Variants in LTBP1 observed in about 807,000 individuals in gnomAD.
LTBP1 encodes latent-transforming growth factor beta-binding protein 1.
LTBP1 carries 129 observed loss-of-function variants against 207.6 expected under a neutral mutation model. That is an observed-to-expected ratio of 0.62 (90% CI 0.54 to 0.72). The LOEUF (loss-of-function observed/expected upper bound fraction) is 0.72, where lower values mean the gene tolerates loss of function less well. LTBP1 is among the 30% of genes least tolerant of loss of function. The probability of loss-of-function intolerance (pLI) is 0.00; values close to 1 mark genes in which losing one functional copy is unlikely to be tolerated. For synonymous variants in LTBP1, 963 were observed against 833.7 expected, an observed-to-expected ratio of 1.16 and a Z score of -2.67; for missense variants, 2,281 against 2,217.2, an observed-to-expected ratio of 1.03 and a Z score of -0.58.
At chr2:33,080,190 C>G (rs2078314383) in intron 3 of LTBP1, among the ~76,000 whole-genome samples, 3 of 152,066 alleles carry the variant, frequency 2.0e-5, no homozygotes, top group Admixed American at 1.3e-4. Context: ...CCATGCCTGG[C>G]TAATTTTTCT....
chr2:33,357,698 A>G (rs1487896083), intron 26 of LTBP1, among the ~76,000 whole-genome samples: 18 of 152,224 alleles, frequency 1.2e-4, no homozygotes. Context: ...TGATCTTTTT[A>G]TGCAAATGTG....
At chr2:33,350,133 T>C (rs1332715895) in intron 26 of LTBP1, among the ~76,000 whole-genome samples, 2 of 152,222 alleles carry the variant, frequency 1.3e-5, no homozygotes, top group Non-Finnish European at 2.9e-5. Flanking sequence ...AGGATTCAAA[T>C]TAATTTCATT....
chr2:32,996,393 C>T lies in LTBP1; in HGVS notation c.566-24516C>T, dbSNP rs1412729675. Among the ~76,000 whole-genome samples the T allele has an allele frequency of 5.9e-5, 9 of 152,264 alleles. No homozygotes were observed. In the East Asian group the frequency reaches 1.7e-3, roughly 29 times the overall value. On this transcript the variant is annotated intron_variant, in intron 2 of 33. Coordinates refer to ENST00000404816, the MANE Select transcript of LTBP1 (RefSeq NM_206943.4). ...ATGACCTAATCACCCTCCAAAGGCC[C>T]CACCTTCTAATATTGTCGTATTGGG... is the stretch of plus-strand genomic sequence containing the variant.
At chr2:33,216,625 C>A (rs1266078284) in intron 7 of LTBP1, among the ~76,000 whole-genome samples, 1 of 152,160 alleles carries the variant, frequency 6.6e-6, no homozygotes, top group Non-Finnish European at 1.5e-5. Flanking sequence ...CAGAGAAAGG[C>A]AGAATAACCC....
At chr2:33,381,645 G>A (rs1226137605) in intron 31 of LTBP1, among the ~76,000 whole-genome samples, 2 of 152,164 alleles carry the variant, frequency 1.3e-5, no homozygotes, top group Admixed American at 6.5e-5. Context: ...GCTGCCCCTG[G>A]TGGAGCTGAG....
chr2:33,210,775 G>T (rs1352406514), intron 7 of LTBP1, among the ~76,000 whole-genome samples: 2 of 152,168 alleles, frequency 1.3e-5, no homozygotes, highest in Non-Finnish European at 2.9e-5. Flanking sequence ...CTCCCAGCTG[G>T]TGGTTGGTGT....
intron 31 of LTBP1, among the ~76,000 whole-genome samples, chr2:33,376,693 C>T (rs1358289310): frequency 6.6e-6 from 1 of 152,322 alleles, no homozygotes; most frequent in Non-Finnish European, 1.5e-5. Flanking sequence ...TTTTATCCAA[C>T]TATACATGCC....
At chr2:33,133,402 G>T (rs1261835935) in intron 4 of LTBP1, among the ~76,000 whole-genome samples, 1 of 152,194 alleles carries the variant, frequency 6.6e-6, no homozygotes, top group Non-Finnish European at 1.5e-5. Context: ...GAAGGGCACT[G>T]CTTCTTGACG....
At chr2:33,140,980 A>T (rs1440396372) in intron 5 of LTBP1, among the ~76,000 whole-genome samples, 1 of 152,158 alleles carries the variant, frequency 6.6e-6, no homozygotes, top group Non-Finnish European at 1.5e-5. Flanking sequence ...TTTTTATTTT[A>T]TTTAAGCTGT....
At position 33,182,691 on chromosome 2, in the gene LTBP1, T is replaced by G. The variant is rs1302987678; in HGVS notation, c.1202-4165T>G. 1.7e-3 allele frequency among the ~76,000 whole-genome samples: 143 copies of G among 84,362 alleles called. 25 individuals are homozygous for G. The highest frequency in any genetic ancestry group is 6.7e-3 in the African/African-American group (138 of 20,712). 55.3% of individuals were successfully genotyped at this position (84,362 alleles called of 152,430 possible). A position where few individuals can be genotyped will look rare whatever the true frequency, so the allele number is the denominator to read the frequency against. ...AAAAAAAGAAGAAAAGATGGTGATA[T>G]ATATATATACACACACACACACACA... is the stretch of plus-strand genomic sequence containing the variant. On this transcript the variant is annotated intron_variant, in intron 5 of 33. Transcript: ENST00000404816.
At chr2:33,375,671 G>A in intron 31 of LTBP1, among the ~76,000 whole-genome samples, 1 of 151,790 alleles carries the variant, frequency 6.6e-6, no homozygotes. Context: ...GGGACCACAG[G>A]CGCCCGCCAC....
intron 3 of LTBP1, among the ~76,000 whole-genome samples, chr2:33,027,209 A>G (rs558261562): frequency 6.6e-6 from 1 of 152,252 alleles, no homozygotes; most frequent in Non-Finnish European, 1.5e-5. Flanking sequence ...TTTTTATCCC[A>G]GATTGACTAA....
At chr2:33,210,625 A>G (rs1030938764) in intron 7 of LTBP1, among the ~76,000 whole-genome samples, 1 of 152,184 alleles carries the variant, frequency 6.6e-6, no homozygotes, top group South Asian at 2.1e-4. Context: ...TTTATATCCA[A>G]CTGTACATCT....
intron 5 of LTBP1, among the ~76,000 whole-genome samples, chr2:33,147,695 A>T (rs553492094): frequency 5.3e-5 from 8 of 152,324 alleles, no homozygotes; most frequent in Non-Finnish European, 1.2e-4. Context: ...GAGTCCTACC[A>T]GGATGGCTTA....
intron 4 of LTBP1, among the ~76,000 whole-genome samples, chr2:33,111,747 G>C (rs1225250955): frequency 1.3e-5 from 2 of 152,108 alleles, no homozygotes; most frequent in Non-Finnish European, 2.9e-5. Flanking sequence ...TTTGTCTTTT[G>C]AGAAAGTCCT....
chr2:33,165,510 C>A (rs1336005352), intron 5 of LTBP1, among the ~76,000 whole-genome samples: 1 of 152,192 alleles, frequency 6.6e-6, no homozygotes, highest in East Asian at 1.9e-4. Flanking sequence ...TTTCATTTTA[C>A]CAACTAGAAG....
intron 2 of LTBP1, among the ~76,000 whole-genome samples, chr2:32,966,469 A>G (rs1330261119): frequency 6.6e-6 from 1 of 152,186 alleles, no homozygotes; most frequent in Non-Finnish European, 1.5e-5. Flanking sequence ...TCATGATCTT[A>G]GCAGGAAAAC....
chr2:33,014,261 A>G (rs964145979), intron 2 of LTBP1, among the ~76,000 whole-genome samples: 3 of 152,280 alleles, frequency 2.0e-5, no homozygotes, highest in South Asian at 2.1e-4. Flanking sequence ...ATGTTATGCT[A>G]ATTTTTTTTT....
intron 3 of LTBP1, among the ~76,000 whole-genome samples, chr2:33,091,078 C>T (rs1231256512): frequency 6.6e-6 from 1 of 152,168 alleles, no homozygotes; most frequent in Non-Finnish European, 1.5e-5. Context: ...TGGGTAGCAG[C>T]ACTTTTGTGG....
Sources: gnomAD v4.1 joint callset for allele counts (sites outside exome capture counted in the v4.1 genomes callset) on GRCh38, gnomAD v4.1.1 for gene constraint, MANE v1.5 for transcripts, NCBI Gene and HGNC (gene_info 2026-07-23, HGNC 2026-07-21) for gene names.